The following ATP8B1 variants were observed in gnomAD, a reference collection of about 807,000 sequenced individuals.
The protein encoded by ATP8B1 is ATPase phospholipid transporting 8B1.
A neutral mutation model predicts 149.9 loss-of-function variants in ATP8B1; 80 were observed. The ratio of observed to expected loss-of-function variants is 0.53; its 90% confidence interval spans 0.45 to 0.64. The LOEUF (loss-of-function observed/expected upper bound fraction) is 0.64. Among genes scored for constraint, ATP8B1 ranks in the 30% least tolerant of loss-of-function variants. The pLI is 0.00. For missense variants in ATP8B1, 1,247 were observed against 1,552.6 expected, an observed-to-expected ratio of 0.80 and a Z score of 3.31; for synonymous variants, 536 against 562.8, an observed-to-expected ratio of 0.95 and a Z score of 0.67.
chr18:57,688,549 C>T (rs745428928), intron 12 of ATP8B1, 42 bp from the exon 13 acceptor site: 12 of 1,588,224 alleles, frequency 7.6e-6, no homozygotes, highest in African/African-American at 4.0e-5. Flanking sequence ...AGCTCGGATA[C>T]GAGTGGCAAG....
intron 22 of ATP8B1, among the ~76,000 whole-genome samples, chr18:57,657,137 C>T (rs1463103454): frequency 6.6e-6 from 1 of 152,008 alleles, no homozygotes; most frequent in Admixed American, 6.6e-5. Flanking sequence ...TTAATTTTTT[C>T]TTAAGCTAGC....
chr18:57,716,292 A>G (rs944746534), intron 2 of ATP8B1, among the ~76,000 whole-genome samples: 9 of 152,138 alleles, frequency 5.9e-5, no homozygotes, highest in Non-Finnish European at 1.0e-4. Context: ...AAGAAGGAAG[A>G]GAAGACCACA....
intron 1 of ATP8B1, among the ~76,000 whole-genome samples, chr18:57,771,595 G>A (rs537706123): frequency 6.6e-6 from 1 of 152,236 alleles, no homozygotes; most frequent in East Asian, 1.9e-4. Flanking sequence ...TAAATAATGA[G>A]CTGTCCAAGC....
At chr18:57,709,614 A>G (rs1213268968) in intron 2 of ATP8B1, among the ~76,000 whole-genome samples, 2 of 152,170 alleles carry the variant, frequency 1.3e-5, no homozygotes, top group East Asian at 3.8e-4. Context: ...CTTGAACTAC[A>G]AAGATAATTT....
At chr18:57,774,881 C>T (rs2080293590) in intron 1 of ATP8B1, among the ~76,000 whole-genome samples, 1 of 152,166 alleles carries the variant, frequency 6.6e-6, no homozygotes, top group South Asian at 2.1e-4. Flanking sequence ...AATGTTAATA[C>T]CACATATTAG....
At chr18:57,743,406 T>C (rs1299965332) in intron 1 of ATP8B1, among the ~76,000 whole-genome samples, 1 of 152,160 alleles carries the variant, frequency 6.6e-6, no homozygotes, top group East Asian at 1.9e-4. Context: ...AAGGAAGAAT[T>C]TGACAAGCAA....
rs544484413 is a variant in ATP8B1, at chr18:57,734,614, T to C, written c.-25-2782A>G. On this transcript the variant is annotated intron_variant, in intron 1 of 27. Transcript: ENST00000648908. ...TTAAAATATTGCTGGCATTCATTAT[T>C]ACAAAGAACAACTTAGATTCTACTG... Among the ~76,000 whole-genome samples the C allele has an allele frequency of 5.9e-5, 9 of 152,342 alleles. No individual in the cohort carries two copies. The East Asian group carries it at 1.7e-3, about 29-fold the overall frequency.
intron 2 of ATP8B1, among the ~76,000 whole-genome samples, chr18:57,711,470 G>A (rs1165038364): frequency 6.6e-6 from 1 of 152,208 alleles, no homozygotes; most frequent in African/African-American, 2.4e-5. Flanking sequence ...ACACACACGT[G>A]CACATCTGTT....
intron 1 of ATP8B1, among the ~76,000 whole-genome samples, chr18:57,795,144 A>G (rs997436596): frequency 6.6e-6 from 1 of 152,068 alleles, no homozygotes; most frequent in Non-Finnish European, 1.5e-5. Flanking sequence ...CACACCTGTC[A>G]TCTCAACACT....
intron 16 of ATP8B1, among the ~76,000 whole-genome samples, chr18:57,672,923 T>A (rs1568189348): frequency 2.0e-5 from 1 of 50,466 alleles, no homozygotes; most frequent in Non-Finnish European, 3.2e-5. Context: ...TATATATATA[T>A]ATATATATAA....
In ATP8B1 at chr18:57,658,160, C is replaced by A. The variant is rs547488138; in HGVS notation, c.2708-2743G>T. 4.6e-5 allele frequency among the ~76,000 whole-genome samples: 7 copies of A among 152,042 alleles called. No homozygotes were observed. In the South Asian group the frequency reaches 1.2e-3, roughly 27 times the overall value. On this transcript the variant is annotated intron_variant, in intron 22 of 27. Transcript: ENST00000648908. ...CTCCTGGGTTCCAGTGACTCTCCTG[C>A]CTCAGGCTCCCGAGTGGCTGGGATT... is the stretch of plus-strand genomic sequence containing the variant.
intron 1 of ATP8B1, among the ~76,000 whole-genome samples, chr18:57,789,803 A>G (rs896082788): frequency 6.6e-6 from 1 of 152,174 alleles, no homozygotes; most frequent in Non-Finnish European, 1.5e-5. Flanking sequence ...GCCAAAAAAT[A>G]GTGGATTATT....
At chr18:57,746,535 G>T (rs1599186663) in intron 1 of ATP8B1, among the ~76,000 whole-genome samples, 1 of 140,674 alleles carries the variant, frequency 7.1e-6, no homozygotes, top group African/African-American at 2.7e-5. Flanking sequence ...GTGCAGTGGT[G>T]TGATCTCTGC....
At chr18:57,747,240 G>A (rs1048360794) in intron 1 of ATP8B1, among the ~76,000 whole-genome samples, 2 of 152,104 alleles carry the variant, frequency 1.3e-5, no homozygotes, top group Admixed American at 1.3e-4. Context: ...ATCACCTAAG[G>A]TCAGGAGTTC....
Position 57,684,090 on chromosome 18 carries a change from G to A in ATP8B1, c.1576C>T (p.Gln526Ter), listed in dbSNP as rs1912113318. The A allele has an allele frequency of 6.2e-7, 1 of 1,614,092 alleles. No homozygotes were observed. The highest frequency in any genetic ancestry group is 8.5e-7 in the Non-Finnish European group (1 of 1,180,018). ...IQSGKEPEVRQFFFLLAVCHT... is the reference protein window; with the variant it reads ...IQSGKEPEVR ...CAAACTGCGAGCAAGAAGAAGAACT[G>A]TCGTACTTCTGGCTCTTTCCCTGAC... is the stretch of plus-strand genomic sequence containing the variant. Residue 526 changes from glutamine to a stop codon, truncating the protein, a stop_gained, in exon 15 of 28, where the codon CAG becomes TAG. Coordinates refer to ENST00000648908, the MANE Select transcript of ATP8B1 (RefSeq NM_001374385.1). LOFTEE classifies it high-confidence loss of function.
chr18:57,782,873 G>A (rs1057265699), intron 1 of ATP8B1, among the ~76,000 whole-genome samples: 1 of 132,874 alleles, frequency 7.5e-6, no homozygotes, highest in Admixed American at 8.7e-5. Flanking sequence ...AAGTGCAATG[G>A]TGCAATCCTG....
intron 1 of ATP8B1, among the ~76,000 whole-genome samples, chr18:57,758,035 G>C (rs1309527090): frequency 6.6e-6 from 1 of 151,958 alleles, no homozygotes; most frequent in Non-Finnish European, 1.5e-5. Flanking sequence ...TAGGGATGGG[G>C]GTCTCACCGT....
intron 2 of ATP8B1, among the ~76,000 whole-genome samples, chr18:57,729,913 A>C (rs1052971050): frequency 6.6e-6 from 1 of 152,164 alleles, no homozygotes; most frequent in Non-Finnish European, 1.5e-5. Context: ...TCAAGGCAGA[A>C]GGCACTTAAG....
At chr18:57,695,781 G>A (rs1339826308) in intron 8 of ATP8B1, among the ~76,000 whole-genome samples, 1 of 152,190 alleles carries the variant, frequency 6.6e-6, no homozygotes, top group Admixed American at 6.5e-5. Context: ...TAGGACAGAG[G>A]TACCCACAAA....
Sources: allele counts gnomAD v4.1 joint callset (sites outside exome capture counted in the v4.1 genomes callset), GRCh38; gene constraint gnomAD v4.1.1; transcripts MANE v1.5; gene names NCBI Gene and HGNC (gene_info 2026-07-23, HGNC 2026-07-21).